Variants in GABRA2 observed in about 807,000 individuals in gnomAD.
GABRA2 encodes gamma-aminobutyric acid receptor subunit alpha-2.
Under a neutral mutation model 48.7 loss-of-function variants are expected in GABRA2, and 16 were observed. That is an observed-to-expected ratio of 0.33 (90% CI 0.22 to 0.50). The LOEUF (loss-of-function observed/expected upper bound fraction) is 0.50, where lower values mean the gene tolerates loss of function less well. Ranked by LOEUF, GABRA2 falls within the 20% of genes least tolerant of loss-of-function variation. GABRA2 has a pLI of 0.98. For synonymous variants in GABRA2, 185 were observed against 184.5 expected (o/e 1.00, Z -0.02); for missense variants, 275 against 535.6 (o/e 0.51, Z 4.80).
At chr4:46,344,089 T>C (rs1412936712) in intron 3 of GABRA2, among the ~76,000 whole-genome samples, 2 of 151,886 alleles carry the variant, frequency 1.3e-5, no homozygotes, top group Admixed American at 6.6e-5. Flanking sequence ...AGTAGATGAA[T>C]ATACCTAATA....
At position 46,248,142 on chromosome 4, in the gene GABRA2, T is replaced by C. The variant is rs1000723783; in HGVS notation, c.*2166A>G. Among the ~76,000 whole-genome samples the C allele has an allele frequency of 1.3e-5, 2 of 151,270 alleles. No homozygotes were observed. Among genetic ancestry groups the C allele is most frequent in the Non-Finnish European group, 3.0e-5 (2 of 67,500 alleles). On this transcript the variant is annotated 3_prime_UTR_variant, in exon 10 of 10. Transcript: ENST00000381620. ...TGTTATTTACAACTGTTTTTACATA[T>C]ACACATATTTATAAATTTATAACTT...
At chr4:46,353,987 A>G (rs957271260) in intron 3 of GABRA2, among the ~76,000 whole-genome samples, 7 of 152,216 alleles carry the variant, frequency 4.6e-5, no homozygotes, top group African/African-American at 1.7e-4. Flanking sequence ...TTGCTGGCAC[A>G]TACTTAACAC....
intron 3 of GABRA2, among the ~76,000 whole-genome samples, chr4:46,338,969 A>G (rs544891643): frequency 6.6e-6 from 1 of 152,000 alleles, no homozygotes; most frequent in South Asian, 2.1e-4. Context: ...CACCATCTCT[A>G]AGGCTAATCA....
chr4:46,256,447 C>A, intron 9 of GABRA2: 1 of 416,102 alleles, frequency 2.4e-6, no homozygotes, highest in South Asian at 7.8e-5. Flanking sequence ...TCTACAGTAC[C>A]CAGCTTCCCC....
intron 3 of GABRA2, among the ~76,000 whole-genome samples, chr4:46,348,938 TA>T (rs35519062): frequency 0.62 from 93,704 of 150,902 alleles, 29,738 homozygotes; most frequent in African/African-American, 0.75. Flanking sequence ...TAATAAAATT[TA>T]AAAAAAAAGA....
intron 4 of GABRA2, among the ~76,000 whole-genome samples, chr4:46,331,058 T>C (rs1371030526): frequency 6.6e-6 from 1 of 152,118 alleles, no homozygotes; most frequent in African/African-American, 2.4e-5. Context: ...AATTGACCCA[T>C]GGAAAGAGGC....
intron 8 of GABRA2, among the ~76,000 whole-genome samples, chr4:46,283,794 C>T (rs1053539651): frequency 6.6e-6 from 1 of 152,228 alleles, no homozygotes; most frequent in African/African-American, 2.4e-5. Flanking sequence ...GAGTCTCACT[C>T]TGTCACCCAG....
chr4:46,387,766 C>G (rs1717666656), intron 2 of GABRA2, among the ~76,000 whole-genome samples: 2 of 151,778 alleles, frequency 1.3e-5, no homozygotes, highest in Admixed American at 6.6e-5. Flanking sequence ...ATTACTTGGA[C>G]AATTAAATAA....
At chr4:46,270,879 A>G (rs1043677375) in intron 8 of GABRA2, among the ~76,000 whole-genome samples, 5 of 151,894 alleles carry the variant, frequency 3.3e-5, no homozygotes, top group Non-Finnish European at 5.9e-5. Flanking sequence ...ATAGAGACTG[A>G]CACTGCTGTA....
chr4:46,348,062 C>A lies in GABRA2; in HGVS notation c.188-15380G>T, dbSNP rs184933064. ...CTAATATCCAGAATCTACAATGAAC[C>A]CAAACAAATTTACAAGAAAAAAACA... On this transcript the variant is annotated intron_variant, in intron 3 of 9. Coordinates refer to ENST00000381620, the MANE Select transcript of GABRA2 (RefSeq NM_000807.4). Among the ~76,000 whole-genome samples, 624 of 151,750 alleles carry A rather than the reference C, an allele frequency of 4.1e-3. 1 individual carries two copies. Among genetic ancestry groups the A allele is most frequent in the African/African-American group, 0.014 (595 of 41,422 alleles).
At chr4:46,286,435 T>C (rs555982710) in intron 8 of GABRA2, among the ~76,000 whole-genome samples, 1 of 152,218 alleles carries the variant, frequency 6.6e-6, no homozygotes, top group South Asian at 2.1e-4. Context: ...TGTGTGAACA[T>C]ATATTTTTAT....
intron 7 of GABRA2, among the ~76,000 whole-genome samples, chr4:46,304,487 AT>A (rs1454190592): frequency 6.6e-6 from 1 of 151,762 alleles, no homozygotes; most frequent in South Asian, 2.1e-4. Context: ...TTGTCTTTTA[AT>A]ATTTATTTAT....
At chr4:46,260,374 A>T (rs1032658691) in intron 9 of GABRA2, among the ~76,000 whole-genome samples, 5 of 151,936 alleles carry the variant, frequency 3.3e-5, no homozygotes, top group African/African-American at 1.2e-4. Flanking sequence ...TCCACTATAC[A>T]TGAGGAGTAA....
At chr4:46,348,492 A>C (rs1734550628) in intron 3 of GABRA2, among the ~76,000 whole-genome samples, 1 of 152,072 alleles carries the variant, frequency 6.6e-6, no homozygotes, top group African/African-American at 2.4e-5. Flanking sequence ...TTATTGTGGC[A>C]CTATTCACAA....
intron 8 of GABRA2, among the ~76,000 whole-genome samples, chr4:46,265,224 CAG>C (rs1001475387): frequency 6.7e-6 from 1 of 149,190 alleles, no homozygotes; most frequent in Non-Finnish European, 1.5e-5. Flanking sequence ...TTAGTAGAGA[CAG>C]GGTTTTGTCG....
intron 9 of GABRA2, among the ~76,000 whole-genome samples, chr4:46,260,180 C>G (rs62304113): frequency 6.6e-6 from 1 of 151,830 alleles, no homozygotes; most frequent in South Asian, 2.1e-4. Flanking sequence ...GCTGGACACT[C>G]TAGCTGTGGA....
At chr4:46,258,192 T>C (rs901139214) in intron 9 of GABRA2, among the ~76,000 whole-genome samples, 11 of 151,804 alleles carry the variant, frequency 7.2e-5, no homozygotes, top group Non-Finnish European at 1.2e-4. Context: ...ACTCATACCA[T>C]ATTTACTGAG....
At chr4:46,255,990 A>T (rs1715731061) in intron 9 of GABRA2, among the ~76,000 whole-genome samples, 1 of 151,644 alleles carries the variant, frequency 6.6e-6, no homozygotes, top group Middle Eastern at 3.4e-3. Context: ...TCTCATTCAA[A>T]CACTAAATAT....
intron 3 of GABRA2, chr4:46,365,323 T>G (rs2109976336): frequency 6.6e-6 from 1 of 152,212 alleles, no homozygotes; most frequent in South Asian, 2.1e-4. Context: ...TGCAATAAAC[T>G]TCTACTTAAA....
Sources: allele counts gnomAD v4.1 joint callset (sites outside exome capture counted in the v4.1 genomes callset), GRCh38; gene constraint gnomAD v4.1.1; transcripts MANE v1.5; gene names NCBI Gene and HGNC (gene_info 2026-07-23, HGNC 2026-07-21).